ACVR1B: variants seen among roughly 807,000 people sequenced by gnomAD.
ACVR1B encodes the protein activin receptor type-1B.
Under a neutral mutation model 55.6 loss-of-function variants are expected in ACVR1B, and 15 were observed. The ratio of observed to expected loss-of-function variants is 0.27; its 90% confidence interval spans 0.18 to 0.42. ACVR1B has a LOEUF of 0.42. Ranked by LOEUF, ACVR1B falls within the 10% of genes least tolerant of loss-of-function variation. The pLI, the probability that ACVR1B is intolerant of heterozygous loss-of-function variation, is 1.00. For synonymous variants in ACVR1B, 247 were observed against 254.6 expected, an observed-to-expected ratio of 0.97 and a Z score of 0.28; for missense variants, 359 against 670.1, an observed-to-expected ratio of 0.54 and a Z score of 5.13.
intron 1 of ACVR1B, among the ~76,000 whole-genome samples, chr12:51,956,487 T>G (rs1941410235): frequency 1.3e-5 from 2 of 152,194 alleles, no homozygotes; most frequent in Admixed American, 6.5e-5. Flanking sequence ...TAAACACAAT[T>G]ATCAGTCCAT....
intron 4 of ACVR1B, among the ~76,000 whole-genome samples, chr12:51,982,177 C>T (rs1212185805): frequency 6.6e-6 from 1 of 152,114 alleles, no homozygotes; most frequent in Non-Finnish European, 1.5e-5. Context: ...CCAGTTGAGA[C>T]AAAGGTGGCA....
intron 3 of ACVR1B, among the ~76,000 whole-genome samples, chr12:51,977,343 G>T (rs1341563892): frequency 1.2e-4 from 18 of 152,034 alleles, no homozygotes; most frequent in Non-Finnish European, 1.5e-5. Context: ...TGTTTCCCAG[G>T]CAGGAGTGCA....
At chr12:51,971,721 G>A (rs992952676) in intron 1 of ACVR1B, among the ~76,000 whole-genome samples, 2 of 152,316 alleles carry the variant, frequency 1.3e-5, no homozygotes, top group African/African-American at 2.4e-5. Context: ...CAAAATGTCT[G>A]TCTTTAAAAG....
At chr12:51,966,141 G>A (rs1029904911) in intron 1 of ACVR1B, among the ~76,000 whole-genome samples, 3 of 152,158 alleles carry the variant, frequency 2.0e-5, no homozygotes, top group African/African-American at 7.2e-5. Flanking sequence ...TGTGAGGGAT[G>A]GTAGGGATGG....
chr12:51,951,726 G>T lies in ACVR1B; in HGVS notation c.-18G>T. 8.2e-7 allele frequency: 1 copy of T among 1,216,286 alleles called. No individual in the cohort carries two copies. The highest frequency in any genetic ancestry group is 1.0e-6 in the Non-Finnish European group (1 of 966,740). The allele number at this position is 1,216,286 out of a possible 1,614,324, so 75.3% of individuals were successfully genotyped here. On this transcript the variant is annotated 5_prime_UTR_variant, in exon 1 of 9. Transcript: ENST00000257963. ...GCGCTGCTGGGCTGCGGCGGCGGCG[G>T]CGGCGGCGGTGGTTACTATGGCGGA...
chr12:51,986,681 T>C, intron 6 of ACVR1B, 137 bp from the exon 7 acceptor site: 1 of 1,192,528 alleles, frequency 8.4e-7, no homozygotes, highest in Non-Finnish European at 1.2e-6. Context: ...TGAAGAGATG[T>C]GTACACTTCT....
At chr12:51,992,851 T>C (rs1053845889) in intron 8 of ACVR1B, among the ~76,000 whole-genome samples, 1 of 152,176 alleles carries the variant, frequency 6.6e-6, no homozygotes, top group African/African-American at 2.4e-5. Context: ...AGAGTTGACA[T>C]GAGGACATGT....
At position 51,986,824 on chromosome 12, in the gene ACVR1B, G is replaced by A. The variant is rs544882043; in HGVS notation, c.1143G>A (p.Met381Ile). Residue 381 changes from methionine to isoleucine, a missense_variant, in exon 7 of 9, where the codon ATG (methionine) becomes ATA (isoleucine). This residue lies in a region of ACVR1B where 119 missense variants were observed against 340.2 expected (regional missense o/e 0.35). Transcript: ENST00000257963. ...GTTTGTTTTGCTATTGCAGATACAT[G>A]GCCCCTGAAGTACTTGATGAAACCA... is the stretch of plus-strand genomic sequence containing the variant. Reference protein sequence around the residue: ...PNQRVGTKRYMAPEVLDETIN... With the variant: ...PNQRVGTKRYIAPEVLDETIN... 6.2e-7 allele frequency: 1 copy of A among 1,609,838 alleles called. No homozygotes were observed. Among genetic ancestry groups the A allele is most frequent in the South Asian group, 1.1e-5 (1 of 90,778 alleles).
At chr12:51,953,245 T>C in intron 1 of ACVR1B, 8 of 630,564 alleles carry the variant, frequency 1.3e-5, no homozygotes, top group Non-Finnish European at 1.6e-5. Context: ...GTGGGTTCAG[T>C]CGTCTTTAAT....
Position 51,981,113 on chromosome 12 carries a change from G to C in ACVR1B, c.725G>C (p.Arg242Pro). The change falls in exon 4 of 9, where the codon CGG becomes CCG. Residue 242 changes from arginine to proline, a missense_variant. Around this residue, in one of 5 missense-constraint regions of ACVR1B, gnomAD observed 119 missense variants for 340.2 expected, o/e 0.35. Coordinates refer to ENST00000257963, the MANE Select transcript of ACVR1B (RefSeq NM_004302.5). ...AVKIFSSREE[R>P]SWFREAEIYQ... ...AAAATATTCTCTTCTCGTGAAGAACGGTCTTGGTTCAGGGAAGCAGAGATA... is the reference window on the plus strand; with the variant it reads ...AAAATATTCTCTTCTCGTGAAGAACCGTCTTGGTTCAGGGAAGCAGAGATA... 6.2e-7 allele frequency: 1 copy of C among 1,614,172 alleles called. No individual in the cohort carries two copies.
intron 1 of ACVR1B, among the ~76,000 whole-genome samples, chr12:51,959,652 GA>G (rs1427250766): frequency 2.6e-5 from 4 of 152,338 alleles, no homozygotes; most frequent in African/African-American, 7.2e-5. Context: ...TGGTGATGGT[GA>G]AAATAGGTAA....
In ACVR1B at chr12:51,976,425, A is replaced by G; in HGVS notation, c.430A>G (p.Ile144Val). 6.2e-7 allele frequency: 1 copy of G among 1,613,844 alleles called. No homozygotes were observed. The highest frequency in any genetic ancestry group is 1.1e-5 in the South Asian group (1 of 91,050). Residue 144 changes from isoleucine to valine, a missense_variant, in exon 3 of 9, where the codon ATT (isoleucine) becomes GTT (valine). Physicochemically the swap from Ile to Val is conservative, Grantham distance 29. Coordinates refer to ENST00000257963, the MANE Select transcript of ACVR1B (RefSeq NM_004302.5). ...GTTCCTCCTGTTCCTCATCATCATCATTGTTTTCCTTGTCATTAACTATCA... is the reference window on the plus strand; with the variant it reads ...GTTCCTCCTGTTCCTCATCATCATCGTTGTTTTCCTTGTCATTAACTATCA... ...PVFLLFLIII[I>V]VFLVINYHQR...
chr12:51,982,958 G>C, intron 4 of ACVR1B: 1 of 687,284 alleles, frequency 1.5e-6, no homozygotes, highest in Non-Finnish European at 2.1e-6. Flanking sequence ...AGTGTGTTGG[G>C]TGGGCCCCTT....
At chr12:51,972,901 C>T (rs1941772784) in intron 1 of ACVR1B, among the ~76,000 whole-genome samples, 3 of 152,090 alleles carry the variant, frequency 2.0e-5, no homozygotes, top group African/African-American at 4.8e-5. Context: ...GTAAGATAAA[C>T]GGTGTTTTCT....
At chr12:51,969,633 G>T (rs191724800) in intron 1 of ACVR1B, among the ~76,000 whole-genome samples, 1 of 152,306 alleles carries the variant, frequency 6.6e-6, no homozygotes, top group East Asian at 1.9e-4. Context: ...TAAAGAGAAA[G>T]ACTTGATCTG....
At chr12:51,990,460 G>T (rs1215852534) in intron 7 of ACVR1B, among the ~76,000 whole-genome samples, 1 of 151,692 alleles carries the variant, frequency 6.6e-6, no homozygotes, top group African/African-American at 2.4e-5. Flanking sequence ...GGGACTACAG[G>T]TGCACCACCA....
chr12:51,983,945 A>G, intron 4 of ACVR1B, 54 bp from the exon 5 acceptor site: 1 of 1,594,438 alleles, frequency 6.3e-7, no homozygotes, highest in Non-Finnish European at 8.6e-7. Flanking sequence ...ACCAACCTTC[A>G]CTGTTTTGCT....
chr12:51,956,633 A>C (rs1490960088), intron 1 of ACVR1B, among the ~76,000 whole-genome samples: 4 of 152,108 alleles, frequency 2.6e-5, no homozygotes, highest in African/African-American at 9.7e-5. Context: ...TAGTTCCATA[A>C]AGTTGAATTG....
intron 7 of ACVR1B, among the ~76,000 whole-genome samples, chr12:51,988,445 C>A (rs759605949): frequency 2.6e-5 from 4 of 152,118 alleles, no homozygotes; most frequent in Non-Finnish European, 5.9e-5. Flanking sequence ...TGCAGCCTTG[C>A]GACAGAGCGA....
Sources: allele counts gnomAD v4.1 joint callset (sites outside exome capture counted in the v4.1 genomes callset), GRCh38; gene constraint gnomAD v4.1.1; regional missense constraint gnomAD v4.1.1; transcripts MANE v1.5; gene names NCBI Gene and HGNC (gene_info 2026-07-23, HGNC 2026-07-21).